SMARCC1: variants seen among roughly 807,000 people sequenced by gnomAD.
SMARCC1 encodes the protein SWI/SNF related BAF chromatin remodeling complex subunit C1.
Under a neutral mutation model 147.4 loss-of-function variants are expected in SMARCC1, and 43 were observed. The observed-to-expected ratio is 0.29, with a 90% CI of 0.23 to 0.38. The LOEUF is 0.38. Ranked by LOEUF, SMARCC1 falls within the 10% of genes least tolerant of loss-of-function variation. The pLI is 1.00. For missense variants in SMARCC1, 1,119 were observed against 1,381.1 expected (o/e 0.81, Z 3.01); for synonymous variants, 495 against 484.4 (o/e 1.02, Z -0.29).
At chr3:47,649,311 T>C (rs2033157638) in intron 21 of SMARCC1, among the ~76,000 whole-genome samples, 2 of 152,250 alleles carry the variant, frequency 1.3e-5, no homozygotes, top group African/African-American at 2.4e-5. Context: ...AGGCTACTTA[T>C]AAGCTATGAA....
At chr3:47,654,628 T>C (rs142207310) in intron 21 of SMARCC1, among the ~76,000 whole-genome samples, 32 of 152,346 alleles carry the variant, frequency 2.1e-4, no homozygotes, top group Non-Finnish European at 3.8e-4. Context: ...TTCAAGGGCA[T>C]GGCCCCGATT....
chr3:47,610,395 A>G (rs1401133299), intron 25 of SMARCC1, 68 bp from the exon 26 acceptor site: 26 of 1,543,640 alleles, frequency 1.7e-5, no homozygotes, highest in Non-Finnish European at 2.1e-5. Context: ...AACACAAAGG[A>G]CAACTACATA....
At chr3:47,769,233 A>AG (rs1559668309) in intron 2 of SMARCC1, among the ~76,000 whole-genome samples, 4 of 147,650 alleles carry the variant, frequency 2.7e-5, no homozygotes, top group African/African-American at 9.9e-5. Flanking sequence ...AAAAAAAAAA[A>AG]GGGCCGGGCA....
intron 3 of SMARCC1, among the ~76,000 whole-genome samples, chr3:47,741,446 A>G (rs1313060019): frequency 7.7e-6 from 1 of 130,526 alleles, no homozygotes; most frequent in East Asian, 2.3e-4. Flanking sequence ...TGAGAAATAA[A>G]TACATGGCAA....
intron 21 of SMARCC1, among the ~76,000 whole-genome samples, chr3:47,651,324 G>C (rs1425749097): frequency 6.6e-6 from 1 of 152,152 alleles, no homozygotes; most frequent in Non-Finnish European, 1.5e-5. Flanking sequence ...GTCAGACTCT[G>C]ACACTCTTTT....
At chr3:47,710,400 C>T (rs1002468885) in intron 9 of SMARCC1, among the ~76,000 whole-genome samples, 2 of 152,144 alleles carry the variant, frequency 1.3e-5, no homozygotes, top group Admixed American at 1.3e-4. Flanking sequence ...TGATATTACA[C>T]TTCAGATCTA....
intron 2 of SMARCC1, among the ~76,000 whole-genome samples, chr3:47,769,446 C>G (rs2034881723): frequency 6.6e-6 from 1 of 151,796 alleles, no homozygotes; most frequent in South Asian, 2.1e-4. Context: ...CCAGGATGGT[C>G]TCGATCTCCT....
intron 2 of SMARCC1, among the ~76,000 whole-genome samples, chr3:47,772,170 G>A (rs1171402029): frequency 2.6e-5 from 4 of 152,106 alleles, no homozygotes; most frequent in Non-Finnish European, 4.4e-5. Flanking sequence ...CAGAAGGATC[G>A]CCTTCCCGCC....
At position 47,638,142 on chromosome 3, in the gene SMARCC1, G is replaced by A. The variant is rs1009986310; in HGVS notation, c.2376+583C>T. ...GTCTCGCTCTGTCGCCCAGGATGGA[G>A]TGCAGTGGCGCGATCTCGGCTCACT... On this transcript the variant is annotated intron_variant, in intron 22 of 27. Coordinates refer to ENST00000254480, the MANE Select transcript of SMARCC1 (RefSeq NM_003074.4). 6.6e-5 allele frequency among the ~76,000 whole-genome samples: 10 copies of A among 152,174 alleles called. No individual in the cohort carries two copies. In the East Asian group the frequency reaches 1.7e-3, roughly 26 times the overall value.
At chr3:47,673,418 T>G (rs1286991387) in intron 18 of SMARCC1, among the ~76,000 whole-genome samples, 32 of 107,872 alleles carry the variant, frequency 3.0e-4, no homozygotes, top group African/African-American at 3.6e-4. Context: ...GGCAGGCCAG[T>G]GGCTCAGGCC....
intron 10 of SMARCC1, among the ~76,000 whole-genome samples, chr3:47,706,025 C>A (rs1345999882): frequency 1.3e-5 from 2 of 152,048 alleles, no homozygotes; most frequent in Non-Finnish European, 2.9e-5. Context: ...ACATATTCAT[C>A]TCTTCTATGA....
chr3:47,740,784 T>C (rs553281697), intron 3 of SMARCC1, among the ~76,000 whole-genome samples: 1 of 150,146 alleles, frequency 6.7e-6, no homozygotes, highest in South Asian at 2.1e-4. Flanking sequence ...GCTAGAAGAA[T>C]GTGCAGCTTT....
intron 2 of SMARCC1, among the ~76,000 whole-genome samples, chr3:47,760,983 A>G (rs2034766483): frequency 6.6e-6 from 1 of 151,950 alleles, no homozygotes; most frequent in Non-Finnish European, 1.5e-5. Context: ...AAATACAAAA[A>G]TTAGCTGGGT....
chr3:47,729,116 AC>A, intron 5 of SMARCC1, 22 bp from the exon 6 acceptor site: 1 of 1,568,138 alleles, frequency 6.4e-7, no homozygotes, highest in Non-Finnish European at 8.8e-7. Context: ...ATGAACAAAA[AC>A]CACAAAAATA....
In SMARCC1 at chr3:47,772,951, C is replaced by G. The variant is rs752336750; in HGVS notation, c.196-15G>C. On this transcript the variant is annotated splice_polypyrimidine_tract_variant and intron_variant, in intron 1 of 27. Transcript: ENST00000254480. ...GCATGAACATACTGCAAGATAAAGA[C>G]AGGCATTCAAAAACTAGTACAATTT... 2.3e-5 allele frequency: 37 copies of G among 1,607,502 alleles called. No homozygotes were observed. The highest frequency in any genetic ancestry group is 3.1e-5 in the Non-Finnish European group (36 of 1,176,108).
At chr3:47,602,538 T>C (rs1229978465) in intron 26 of SMARCC1, among the ~76,000 whole-genome samples, 2 of 152,118 alleles carry the variant, frequency 1.3e-5, no homozygotes, top group African/African-American at 4.8e-5. Flanking sequence ...GCTCAAGCAA[T>C]CTGCCTGCCT....
intron 21 of SMARCC1, among the ~76,000 whole-genome samples, chr3:47,651,738 T>C (rs1375304423): frequency 6.6e-6 from 1 of 152,228 alleles, no homozygotes; most frequent in Non-Finnish European, 1.5e-5. Context: ...TATAATTACA[T>C]CTATACACGT....
At chr3:47,615,619 T>G (rs978979783) in intron 25 of SMARCC1, among the ~76,000 whole-genome samples, 4 of 152,196 alleles carry the variant, frequency 2.6e-5, no homozygotes, top group African/African-American at 9.6e-5. Flanking sequence ...AGGGTCTGGG[T>G]TTCTCACAGT....
intron 24 of SMARCC1, among the ~76,000 whole-genome samples, chr3:47,625,121 C>T (rs1483456393): frequency 1.3e-5 from 2 of 151,224 alleles, no homozygotes; most frequent in African/African-American, 2.4e-5. Flanking sequence ...TATTTTACTA[C>T]TTTGTCTACT....
Sources: gnomAD v4.1 joint callset for allele counts (sites outside exome capture counted in the v4.1 genomes callset) on GRCh38, gnomAD v4.1.1 for gene constraint, MANE v1.5 for transcripts, NCBI Gene and HGNC (gene_info 2026-07-23, HGNC 2026-07-21) for gene names.